RALGPS2: variants seen among roughly 807,000 people sequenced by gnomAD.
RALGPS2 encodes the protein Ral GEF with PH domain and SH3 binding motif 2.
RALGPS2 carries 43 observed loss-of-function variants against 86.8 expected under a neutral mutation model. That is an observed-to-expected ratio of 0.50 (90% CI 0.39 to 0.64). The LOEUF (loss-of-function observed/expected upper bound fraction) is 0.64, where lower values mean the gene tolerates loss of function less well. Ranked by LOEUF, RALGPS2 falls within the 30% of genes least tolerant of loss-of-function variation. The pLI, the probability that RALGPS2 is intolerant of heterozygous loss-of-function variation, is 0.00. For missense variants in RALGPS2, 536 were observed against 694.6 expected, an observed-to-expected ratio of 0.77 and a Z score of 2.57; for synonymous variants, 243 against 231.3, an observed-to-expected ratio of 1.05 and a Z score of -0.46.
chr1:178,839,485 C>T (rs564965681), intron 8 of RALGPS2, among the ~76,000 whole-genome samples: 38 of 152,228 alleles, frequency 2.5e-4, no homozygotes, highest in African/African-American at 9.2e-4. Context: ...CACCACCAGG[C>T]CTGCCTTACA....
At chr1:178,887,358 C>T (rs938851746) in intron 13 of RALGPS2, among the ~76,000 whole-genome samples, 1 of 152,092 alleles carries the variant, frequency 6.6e-6, no homozygotes, top group Non-Finnish European at 1.5e-5. Context: ...GAGGCTGAGG[C>T]ATAGGAATCA....
rs919989196 is a variant in RALGPS2 at position 178,746,538 on chromosome 1, C to T, written c.-84+21119C>T. On this transcript the variant is annotated intron_variant, in intron 1 of 19. Coordinates refer to ENST00000367635, the MANE Select transcript of RALGPS2 (RefSeq NM_152663.5). Reference sequence around the variant, plus strand: ...TGGATGCTCTTCATTCCCTGGATGTCAAGTTTACTTTGTAAACAAACAACT... The same window carrying T: ...TGGATGCTCTTCATTCCCTGGATGTTAAGTTTACTTTGTAAACAAACAACT... 5.0e-6 allele frequency: 3 copies of T among 594,378 alleles called. No individual in the cohort carries two copies. The African/African-American group carries it at 5.6e-5, about 11-fold the overall frequency. 36.8% of individuals were successfully genotyped at this position (594,378 alleles called of 1,614,324 possible).
intron 1 of RALGPS2, among the ~76,000 whole-genome samples, chr1:178,741,609 G>A (rs1190459770): frequency 6.6e-6 from 1 of 152,030 alleles, no homozygotes; most frequent in East Asian, 1.9e-4. Flanking sequence ...GGAAGACCAT[G>A]GTAAGTTAAA....
At chr1:178,735,112 G>A (rs945405977) in intron 1 of RALGPS2, among the ~76,000 whole-genome samples, 2 of 152,096 alleles carry the variant, frequency 1.3e-5, no homozygotes. Context: ...CAAAAAAAGG[G>A]GATAAATAAT....
rs906393869 is a variant in RALGPS2 at position 178,917,434 on chromosome 1, A to G, written c.*1075A>G. 2 of 152,102 alleles carry G rather than the reference A, an allele frequency of 1.3e-5. No homozygotes were observed. Among genetic ancestry groups the G allele is most frequent in the Non-Finnish European group, 2.9e-5 (2 of 68,000 alleles). 9.4% of individuals were successfully genotyped at this position (152,102 alleles called of 1,614,324 possible). A position where few individuals can be genotyped will look rare whatever the true frequency, so the allele number is the denominator to read the frequency against. On this transcript the variant is annotated 3_prime_UTR_variant, in exon 20 of 20. Coordinates refer to ENST00000367635, the MANE Select transcript of RALGPS2 (RefSeq NM_152663.5). ...TGTTCAATATGAGATTCAGGATCAT[A>G]TTTGTTTAAAAGGTAACACATAGAG...
chr1:178,910,817 A>T (rs1410689169), intron 19 of RALGPS2, among the ~76,000 whole-genome samples: 3 of 152,092 alleles, frequency 2.0e-5, no homozygotes, highest in Admixed American at 2.0e-4. Flanking sequence ...GATTTTTCGG[A>T]ATATTTTCAG....
intron 1 of RALGPS2, among the ~76,000 whole-genome samples, chr1:178,748,314 C>T (rs555404894): frequency 3.0e-4 from 43 of 145,282 alleles, no homozygotes; most frequent in African/African-American, 9.9e-4. Context: ...AGTGAGACTC[C>T]GTCTCAAAAA....
rs1387418813 is a variant in RALGPS2, at chr1:178,880,370, T to C, written c.836+1378T>C. 2.6e-5 allele frequency among the ~76,000 whole-genome samples: 4 copies of C among 152,222 alleles called. No individual in the cohort carries two copies. In the East Asian group the frequency reaches 5.8e-4, roughly 22 times the overall value. ...AATTTTACTGATGTTTGAAAATGCC[T>C]TTATTGCCATCTTCTCTCTCACACC... On this transcript the variant is annotated intron_variant, in intron 10 of 19. Transcript: ENST00000367635.
At chr1:178,900,943 A>G (rs1376105126) in intron 17 of RALGPS2, among the ~76,000 whole-genome samples, 1 of 152,030 alleles carries the variant, frequency 6.6e-6, no homozygotes, top group Non-Finnish European at 1.5e-5. Context: ...GGAAGTTTTT[A>G]GGCTTAAGAA....
chr1:178,776,657 G>T (rs1572320123), intron 1 of RALGPS2, 25 bp from the exon 2 acceptor site: 1 of 741,632 alleles, frequency 1.3e-6, no homozygotes, highest in Non-Finnish European at 2.0e-6. Flanking sequence ...GAAGACATTT[G>T]CTTAACTTTT....
chr1:178,798,018 G>T (rs145591323), intron 4 of RALGPS2, among the ~76,000 whole-genome samples: 1 of 130,712 alleles, frequency 7.7e-6, no homozygotes, highest in Non-Finnish European at 1.6e-5. Flanking sequence ...ACATAGCTTA[G>T]AAATATAAAA....
At chr1:178,749,688 CAG>C (rs1485175389) in intron 1 of RALGPS2, among the ~76,000 whole-genome samples, 1 of 152,146 alleles carries the variant, frequency 6.6e-6, no homozygotes, top group African/African-American at 2.4e-5. Context: ...GCTGCTATTG[CAG>C]AGTTATCTAC....
At position 178,792,974 on chromosome 1, in the gene RALGPS2, A is replaced by G. The variant is rs140594371; in HGVS notation, c.213+7367A>G. 2.8e-3 allele frequency among the ~76,000 whole-genome samples: 426 copies of G among 152,224 alleles called. 5 individuals are homozygous for G. Among genetic ancestry groups the G allele is most frequent in the Non-Finnish European group, 7.8e-4 (53 of 68,010 alleles). ...TTAGTTTAAAGCAGTTTTGAAGACA[A>G]ATTGCCATATATTTTGCTGCTGCCC... is the stretch of plus-strand genomic sequence containing the variant. On this transcript the variant is annotated intron_variant, in intron 4 of 19. Coordinates refer to ENST00000367635, the MANE Select transcript of RALGPS2 (RefSeq NM_152663.5).
At chr1:178,725,657 C>G (rs1030087662) in intron 1 of RALGPS2, 2 of 151,782 alleles carry the variant, frequency 1.3e-5, no homozygotes, top group East Asian at 3.9e-4. Flanking sequence ...TTCTCAGAGT[C>G]GGAGCGGCCG....
intron 1 of RALGPS2, among the ~76,000 whole-genome samples, chr1:178,737,390 C>T (rs1485085479): frequency 2.0e-5 from 3 of 152,072 alleles, no homozygotes; most frequent in African/African-American, 7.2e-5. Flanking sequence ...GGATTACAGG[C>T]GCCTGCCACC....
chr1:178,844,540 TAGTC>T (rs1257769004), intron 8 of RALGPS2, among the ~76,000 whole-genome samples: 3 of 152,198 alleles, frequency 2.0e-5, no homozygotes, highest in East Asian at 3.8e-4. Flanking sequence ...AGGTAAAAAT[TAGTC>T]AGCTTGGACA....
At chr1:178,786,524 A>G (rs191285980) in intron 4 of RALGPS2, among the ~76,000 whole-genome samples, 185 of 152,080 alleles carry the variant, frequency 1.2e-3, no homozygotes, top group African/African-American at 4.0e-3. Flanking sequence ...GTGTGTGTGT[A>G]TAGTGTTCCT....
intron 1 of RALGPS2, among the ~76,000 whole-genome samples, chr1:178,740,348 A>G (rs1434813129): frequency 6.6e-6 from 1 of 152,208 alleles, no homozygotes; most frequent in Admixed American, 6.5e-5. Context: ...TTTTAACCAT[A>G]TAAAACTGTA....
intron 1 of RALGPS2, among the ~76,000 whole-genome samples, chr1:178,740,501 G>A (rs1297199734): frequency 1.3e-5 from 2 of 152,200 alleles, no homozygotes; most frequent in African/African-American, 4.8e-5. Flanking sequence ...GCAAAGATGT[G>A]TTGGTGTAGA....
Sources: gnomAD v4.1 joint callset for allele counts (sites outside exome capture counted in the v4.1 genomes callset) on GRCh38, gnomAD v4.1.1 for gene constraint, MANE v1.5 for transcripts, NCBI Gene and HGNC (gene_info 2026-07-23, HGNC 2026-07-21) for gene names.